The following MOV10L1 variants were observed in gnomAD, a reference collection of about 807,000 sequenced individuals.
MOV10L1 encodes Mov10 like RNA helicase 1.
A neutral mutation model predicts 143.8 loss-of-function variants in MOV10L1; 110 were observed. That is an observed-to-expected ratio of 0.76 (90% confidence interval 0.66 to 0.90). MOV10L1 has a LOEUF of 0.90. MOV10L1 is among the 40% of genes least tolerant of loss of function. The probability of loss-of-function intolerance (pLI) is 0.00; values close to 1 mark genes in which losing one functional copy is unlikely to be tolerated. For missense variants in MOV10L1, 1,406 were observed against 1,526.8 expected (o/e 0.92, Z 1.32); for synonymous variants, 593 against 581.1 (o/e 1.02, Z -0.29).
At chr22:50,143,420 A>C in intron 17 of MOV10L1, 199 bp downstream of exon 17, 1 of 613,668 alleles carries the variant, frequency 1.6e-6, no homozygotes, top group Non-Finnish European at 2.8e-6. Context: ...TTAGAAGGAA[A>C]CTCATTTTTA....
intron 5 of MOV10L1, among the ~76,000 whole-genome samples, chr22:50,110,276 C>T (rs1042954056): frequency 6.6e-6 from 1 of 151,930 alleles, no homozygotes; most frequent in African/African-American, 2.4e-5. Context: ...GGTGAAACCC[C>T]ATCTCTACTA....
rs2063477777 is a variant in MOV10L1 at position 50,158,290 on chromosome 22, C to A, written c.3216+84C>A. On this transcript the variant is annotated intron_variant, in intron 23 of 26. Transcript: ENST00000262794. The surrounding 1 kb of genome is among the most constrained non-coding windows in gnomAD (Gnocchi z 5.0). ...TCCTGCAGCTCCACAGAGGCAGGAA[C>A]AAGCTCCTTGTGAGCAGCAGCAGGT... 2 of 1,541,172 alleles carry A rather than the reference C, an allele frequency of 1.3e-6. No homozygotes were observed. Among genetic ancestry groups the A allele is most frequent in the South Asian group, 1.2e-5 (1 of 85,716 alleles).
At chr22:50,161,335 C>T in intron 26 of MOV10L1, 33 bp from the exon 27 acceptor site, 1 of 1,515,040 alleles carries the variant, frequency 6.6e-7, no homozygotes, top group Non-Finnish European at 8.9e-7. Context: ...GGGAGCCTGG[C>T]TCACTGGCCA....
intron 19 of MOV10L1, among the ~76,000 whole-genome samples, chr22:50,147,874 G>A (rs1229310631): frequency 6.6e-6 from 1 of 152,256 alleles, no homozygotes; most frequent in African/African-American, 2.4e-5. Context: ...GGTTCACGGT[G>A]TCACTTGTGA....
At chr22:50,098,214 TTAAGTATTAAGATTAACATCTTAATAA>T (rs1207577290) in intron 2 of MOV10L1, among the ~76,000 whole-genome samples, 1 of 87,716 alleles carries the variant, frequency 1.1e-5, no homozygotes, top group African/African-American at 2.9e-5. Context: ...TTAATAATAA[TTAAGTATTAAGATTAACATCTTAATAA>T]TAATTATTAA....
In MOV10L1 at chr22:50,090,041, GCGGGCGGCGGC is replaced by G. The variant is rs1178032741; in HGVS notation, c.-47_-37del. ...GGCGGCGGGAGCGGCGCGGGCGCGT[GCGGGCGGCGGC>G]AGCGGCGGTGACGGCAGCCTAGGCC... On this transcript the variant is annotated 5_prime_UTR_variant, in exon 1 of 27. Transcript: ENST00000262794. The G allele has an allele frequency of 1.9e-5, 23 of 1,191,734 alleles. No individual in the cohort carries two copies. Among genetic ancestry groups the G allele is most frequent in the East Asian group, 7.5e-5 (2 of 26,494 alleles). 73.8% of individuals were successfully genotyped at this position (1,191,734 alleles called of 1,614,324 possible).
At chr22:50,110,575 T>G (rs1214579888) in intron 5 of MOV10L1, among the ~76,000 whole-genome samples, 2 of 152,226 alleles carry the variant, frequency 1.3e-5, no homozygotes, top group Non-Finnish European at 2.9e-5. Context: ...TGGATTTTTC[T>G]GTTTTGTTGT....
Position 50,117,244 on chromosome 22 carries a change from G to A in MOV10L1, c.1347G>A (p.Gly449=). The A allele has an allele frequency of 6.2e-7, 1 of 1,613,990 alleles. No homozygotes were observed. Among genetic ancestry groups the A allele is most frequent in the South Asian group, 1.1e-5 (1 of 91,072 alleles). The change falls in exon 9 of 27, where the codon GGG becomes GGA. Residue 449 remains glycine (G), a synonymous_variant. Transcript: ENST00000262794. ...ACCTTGAAGTAAATGTTATCAGTGG[G>A]GAGGAGTCACTAATTGCTGCGCGCG... ...GRYLEVNVIS[G]EESLIAAREP...
chr22:50,090,054 G>GGGGCGGTGA lies in MOV10L1; in HGVS notation c.-35_-34insGGGCGGTGA. 1 of 789,082 alleles carries GGGGCGGTGA rather than the reference G, an allele frequency of 1.3e-6. No homozygotes were observed. The allele number at this position is 789,082 out of a possible 1,614,324, so 48.9% of individuals were successfully genotyped here. A position where few individuals can be genotyped will look rare whatever the true frequency, so the allele number is the denominator to read the frequency against. On this transcript the variant is annotated 5_prime_UTR_variant, in exon 1 of 27. Transcript: ENST00000262794. Reference sequence around the variant, plus strand: ...GCGCGGGCGCGTGCGGGCGGCGGCAGCGGCGGTGACGGCAGCCTAGGCCGG... The same window carrying GGGGCGGTGA: ...GCGCGGGCGCGTGCGGGCGGCGGCAGGGGCGGTGACGGCGGTGACGGCAGCCTAGGCCGG...
intron 13 of MOV10L1, among the ~76,000 whole-genome samples, chr22:50,131,281 G>A (rs781235608): frequency 1.3e-5 from 2 of 152,006 alleles, no homozygotes; most frequent in African/African-American, 2.4e-5. Context: ...AAGTCTTTGG[G>A]CCCATTTTAA....
chr22:50,143,160 A>G lies in MOV10L1; in HGVS notation c.2297A>G (p.Tyr766Cys), dbSNP rs778510267. Residue 766 changes from tyrosine (Y) to cysteine (C), a missense_variant, in exon 17 of 27, where the codon TAT (tyrosine) becomes TGT (cysteine). Coordinates refer to ENST00000262794, the MANE Select transcript of MOV10L1 (RefSeq NM_018995.3). Reference sequence around the variant, plus strand: ...AGTGGTGACTGCCGTCCCCTCCCGTATATTCTCTTTGGACCTCCTGGTACT... The same window carrying G: ...AGTGGTGACTGCCGTCCCCTCCCGTGTATTCTCTTTGGACCTCCTGGTACT... ...ILSGDCRPLP[Y>C]ILFGPPGTGK... 1.5e-5 allele frequency: 24 copies of G among 1,614,048 alleles called. No homozygotes were observed. Among genetic ancestry groups the G allele is most frequent in the Non-Finnish European group, 1.9e-5 (23 of 1,180,036 alleles).
At chr22:50,117,429 C>G (rs902475405) in intron 9 of MOV10L1, 78 bp downstream of exon 9, 1 of 1,460,678 alleles carries the variant, frequency 6.8e-7, no homozygotes, top group Non-Finnish European at 9.3e-7. Flanking sequence ...CACTGGCAAG[C>G]GGTGGCTACC....
chr22:50,095,905 A>G (rs1376843884), intron 2 of MOV10L1: 1 of 152,194 alleles, frequency 6.6e-6, no homozygotes, highest in East Asian at 1.9e-4. Flanking sequence ...ATGATCCCAT[A>G]GTTTCTGTCC....
chr22:50,115,245 A>C lies in MOV10L1; in HGVS notation c.1258A>C (p.Lys420Gln). 1 of 1,518,634 alleles carries C rather than the reference A, an allele frequency of 6.6e-7. No individual in the cohort carries two copies. Among genetic ancestry groups the C allele is most frequent in the Non-Finnish European group, 8.7e-7 (1 of 1,143,424 alleles). The allele number at this position is 1,518,634 out of a possible 1,614,324, so 94.1% of individuals were successfully genotyped here. A position where few individuals can be genotyped will look rare whatever the true frequency, so the allele number is the denominator to read the frequency against. Reference protein sequence around the residue: ...KTFIVVICDGKNPGRCKELLL... With the variant: ...KTFIVVICDGQNPGRCKELLL... ...CTTCATTGTGGTCATCTGTGACGGA[A>C]AGTAAGGGCCTGGAGGTCTGGGGAG... The change falls in exon 8 of 27, where the codon AAA becomes CAA. Residue 420 changes from lysine to glutamine, a missense_variant and splice_region_variant. By Grantham distance (53) the Lys-to-Gln change is moderately conservative (BLOSUM62 1). Coordinates refer to ENST00000262794, the MANE Select transcript of MOV10L1 (RefSeq NM_018995.3).
chr22:50,147,781 T>C (rs991090833), intron 19 of MOV10L1, among the ~76,000 whole-genome samples: 1 of 152,196 alleles, frequency 6.6e-6, no homozygotes, highest in Non-Finnish European at 1.5e-5. Context: ...GAAAGATACA[T>C]AATGTTAATT....
chr22:50,134,126 T>A, intron 14 of MOV10L1, 61 bp downstream of exon 14: 1 of 1,371,018 alleles, frequency 7.3e-7, no homozygotes, highest in Non-Finnish European at 1.0e-6. Context: ...AGGCTTCATG[T>A]AAAATTTTGT....
At position 50,117,328 on chromosome 22, in the gene MOV10L1, A is replaced by G. The variant is rs777163518; in HGVS notation, c.1431A>G (p.Thr477=). The G allele has an allele frequency of 3.7e-6, 6 of 1,613,900 alleles. No individual in the cohort carries two copies. Among genetic ancestry groups the G allele is most frequent in the African/African-American group, 2.7e-5 (2 of 74,930 alleles). ...AAGCGTTAACATCCGCAAAAACTAC[A>G]GTTGTTGTGACCGCACAGAAAAGGT... ...SSQALTSAKT[T]VVVTAQKRNS... Residue 477 remains threonine, a synonymous_variant, in exon 9 of 27, where the codon ACA becomes ACG. Transcript: ENST00000262794.
At chr22:50,123,048 A>C (rs2062395035) in intron 10 of MOV10L1, among the ~76,000 whole-genome samples, 1 of 151,882 alleles carries the variant, frequency 6.6e-6, no homozygotes, top group African/African-American at 2.4e-5. Flanking sequence ...AAGGGTGTTA[A>C]ATTTTGTCAG....
At chr22:50,125,146 G>T (rs558622869) in intron 10 of MOV10L1, among the ~76,000 whole-genome samples, 2 of 152,210 alleles carry the variant, frequency 1.3e-5, no homozygotes, top group Non-Finnish European at 2.9e-5. Context: ...GCAGTGCAGG[G>T]AGGGACACCG....
Sources: gnomAD v4.1 joint callset for allele counts (sites outside exome capture counted in the v4.1 genomes callset) on GRCh38, gnomAD v4.1.1 for gene constraint, Gnocchi (gnomAD v3.1) non-coding constraint, MANE v1.5 for transcripts, NCBI Gene and HGNC (gene_info 2026-07-23, HGNC 2026-07-21) for gene names.